CRYBA4: variants seen among roughly 807,000 people sequenced by gnomAD.
CRYBA4 encodes the protein crystallin beta A4, also known as beta-crystallin A4.
In CRYBA4, 30 loss-of-function variants were observed where a neutral mutation model predicts 31.7. The observed-to-expected ratio is 0.95, with a 90% CI of 0.71 to 1.28. The LOEUF is 1.28. Ranked by LOEUF, CRYBA4 falls within the 50% of genes most tolerant of loss-of-function variation. CRYBA4 has a pLI of 0.00. For synonymous variants in CRYBA4, 102 were observed against 102.3 expected (o/e 1.00, Z 0.02); for missense variants, 225 against 260.7 (o/e 0.86, Z 0.94).
At chr22:26,599,799 G>T in the CRYBA4 span, 1 of 774,698 alleles carries the variant, frequency 1.3e-6, no homozygotes, top group Non-Finnish European at 2.3e-6. Flanking sequence ...TTCTGTCCTG[G>T]CTATATCCCT....
upstream of CRYBA4, among the ~76,000 whole-genome samples, chr22:26,618,569 G>A (rs1396791933): frequency 6.6e-6 from 1 of 152,190 alleles, no homozygotes; most frequent in Non-Finnish European, 1.5e-5. Flanking sequence ...ACTGTGTGCC[G>A]AACCCGTGTT....
chr22:26,612,297 G>A, the CRYBA4 span: 1 of 731,532 alleles, frequency 1.4e-6, no homozygotes. Context: ...ACATAAAAGT[G>A]TGATGAGCCA....
At position 26,630,364 on chromosome 22, in the gene CRYBA4, C is replaced by G. The variant is rs779384985; in HGVS notation, c.468C>G (p.Gly156=). The change falls in exon 6 of 6, where the codon GGC becomes GGG. Residue 156 remains glycine, a synonymous_variant. Transcript: ENST00000354760. ...GCTGGGTTTGCTCCCAGTTTCCGGGCTACCGAGGATTTCAGTATGTGCTGG... is the reference window on the plus strand; with the variant it reads ...GCTGGGTTTGCTCCCAGTTTCCGGGGTACCGAGGATTTCAGTATGTGCTGG... ...SGAWVCSQFP[G]YRGFQYVLEC... 6.2e-7 allele frequency: 1 copy of G among 1,614,246 alleles called. No individual in the cohort carries two copies. The highest frequency in any genetic ancestry group is 2.2e-5 in the East Asian group (1 of 44,896).
chr22:26,591,764 A>AG, the CRYBA4 span, among the ~76,000 whole-genome samples: 3,347 of 147,424 alleles, frequency 0.023, 59 homozygotes, highest in South Asian at 0.059. Flanking sequence ...AAAAATGAGC[A>AG]GGGCATGGTG....
the CRYBA4 span, among the ~76,000 whole-genome samples, chr22:26,594,548 T>C: frequency 6.6e-6 from 1 of 152,144 alleles, no homozygotes; most frequent in Non-Finnish European, 1.5e-5. Flanking sequence ...TGAAACAATA[T>C]GAAGTCCCCA....
chr22:26,630,356 T>C lies in CRYBA4; in HGVS notation c.460T>C (p.Phe154Leu). The C allele has an allele frequency of 2.5e-6, 4 of 1,614,234 alleles. No homozygotes were observed. Among genetic ancestry groups the C allele is most frequent in the Non-Finnish European group, 3.4e-6 (4 of 1,180,018 alleles). Reference sequence around the variant, plus strand: ...CTTTTCCAGCTGGGTTTGCTCCCAGTTTCCGGGCTACCGAGGATTTCAGTA... The same window carrying C: ...CTTTTCCAGCTGGGTTTGCTCCCAGCTTCCGGGCTACCGAGGATTTCAGTA... ...VHSGAWVCSQ[F>L]PGYRGFQYVL... The change falls in exon 6 of 6, where the codon TTT (phenylalanine) becomes CTT (leucine). Residue 154 changes from phenylalanine (F) to leucine (L), a missense_variant. Transcript: ENST00000354760.
the CRYBA4 span, chr22:26,602,038 C>CG: frequency 6.2e-7 from 1 of 1,612,830 alleles, no homozygotes; most frequent in African/African-American, 1.3e-5. Context: ...AAAGAGAGGC[C>CG]GGGTCAGGTG....
intron 2 of CRYBA4, 39 bp downstream of exon 2, chr22:26,622,674 G>A: frequency 6.9e-7 from 1 of 1,454,592 alleles, no homozygotes; most frequent in South Asian, 1.1e-5. Context: ...CAGGGGGTAT[G>A]GGGAGGGTTC....
At chr22:26,627,421 TTTC>T (rs1929761279) in intron 4 of CRYBA4, among the ~76,000 whole-genome samples, 1 of 96,938 alleles carries the variant, frequency 1.0e-5, no homozygotes. Context: ...TCTTTCTTTC[TTTC>T]TTTTTCTTTC....
At chr22:26,621,133 G>A (rs2145977168), upstream of CRYBA4, among the ~76,000 whole-genome samples, 2 of 152,282 alleles carry the variant, frequency 1.3e-5, no homozygotes, top group South Asian at 4.1e-4. Flanking sequence ...CGGGACAAGA[G>A]GCACACAGCA....
At chr22:26,592,849 G>T in the CRYBA4 span, among the ~76,000 whole-genome samples, 5 of 152,212 alleles carry the variant, frequency 3.3e-5, no homozygotes, top group Admixed American at 3.3e-4. Context: ...CATGGAGGGG[G>T]TGTTTTGGTT....
the CRYBA4 span, among the ~76,000 whole-genome samples, chr22:26,604,688 G>A: frequency 6.6e-6 from 1 of 152,332 alleles, no homozygotes; most frequent in South Asian, 2.1e-4. Context: ...CAATATCTGT[G>A]TGGCCAGGGT....
the CRYBA4 span, among the ~76,000 whole-genome samples, chr22:26,615,387 T>C: frequency 6.6e-6 from 1 of 152,204 alleles, no homozygotes; most frequent in Non-Finnish European, 1.5e-5. Context: ...TTTTCTTGCT[T>C]TCGATAAACT....
chr22:26,607,113 C>T, the CRYBA4 span, among the ~76,000 whole-genome samples: 5 of 149,734 alleles, frequency 3.3e-5, no homozygotes, highest in Non-Finnish European at 7.4e-5. Flanking sequence ...ACCTCTGGCT[C>T]CCGGGTTCAA....
chr22:26,627,404 CTTTCTTTCTTTCT>C (rs1569211697), intron 4 of CRYBA4, among the ~76,000 whole-genome samples: 17 of 79,850 alleles, frequency 2.1e-4, no homozygotes, highest in East Asian at 5.2e-4. Context: ...TTCTTTCTTT[CTTTCTTTCTTTCT>C]TTCTTTCTTT....
chr22:26,630,595 C>G lies in CRYBA4; in HGVS notation c.*108C>G. On this transcript the variant is annotated 3_prime_UTR_variant, in exon 6 of 6. Coordinates refer to ENST00000354760, the MANE Select transcript of CRYBA4 (RefSeq NM_001886.3). The stretch of plus-strand genomic sequence containing the variant: ...GCCTCCCCCTGTAACCTGTGTGAAC[C>G]CAGCACCCATGTGAACTGGTCCGTG... 1.0e-6 allele frequency: 1 copy of G among 965,634 alleles called. No individual in the cohort carries two copies. The highest frequency in any genetic ancestry group is 1.6e-6 in the Non-Finnish European group (1 of 628,150). The allele number at this position is 965,634 out of a possible 1,614,324, so 59.8% of individuals were successfully genotyped here. A position where few individuals can be genotyped will look rare whatever the true frequency, so the allele number is the denominator to read the frequency against.
the CRYBA4 span, among the ~76,000 whole-genome samples, chr22:26,600,624 A>G: frequency 7.2e-5 from 11 of 152,192 alleles, no homozygotes; most frequent in Non-Finnish European, 1.3e-4. Context: ...AAGATTTAAT[A>G]GTTATTCATT....
chr22:26,628,411 T>C lies in CRYBA4; in HGVS notation c.424T>C (p.Phe142Leu), dbSNP rs1375724249. The change falls in exon 5 of 6, where the codon TTC (phenylalanine) becomes CTC (leucine). Residue 142 changes from phenylalanine to leucine, a missense_variant. Physicochemically the swap from Phe to Leu is conservative, Grantham distance 22. Transcript: ENST00000354760. ...ATGGGAAGGCAATGAAGTAGGGTCC[T>C]TCCACGTCCACTCTGGGGCGTAAGT... is the stretch of plus-strand genomic sequence containing the variant. ...MGWEGNEVGS[F>L]HVHSGAWVCS... is the part of the protein sequence containing the mutation. The C allele has an allele frequency of 6.2e-7, 1 of 1,614,090 alleles. No homozygotes were observed. The highest frequency in any genetic ancestry group is 2.2e-5 in the East Asian group (1 of 44,874).
the CRYBA4 span, among the ~76,000 whole-genome samples, chr22:26,594,721 A>C: frequency 1.3e-5 from 2 of 152,132 alleles, no homozygotes; most frequent in Admixed American, 6.5e-5. Flanking sequence ...AAACCAAAAC[A>C]AACAAACAAA....
Sources: gnomAD v4.1 joint callset for allele counts (sites outside exome capture counted in the v4.1 genomes callset) on GRCh38, gnomAD v4.1.1 for gene constraint, MANE v1.5 for transcripts, NCBI Gene and HGNC (gene_info 2026-07-23, HGNC 2026-07-21) for gene names.